SH3BGRL2: variants seen among roughly 807,000 people sequenced by gnomAD.
SH3BGRL2 encodes SH3 domain binding glutamate rich protein like 2, also known as SH3 domain-binding glutamic acid-rich-like protein 2.
A neutral mutation model predicts 14.8 loss-of-function variants in SH3BGRL2; 21 were observed. That is an observed-to-expected ratio of 1.42 (90% CI 1.01 to 2.05). The LOEUF is 2.05. Among genes scored for constraint, SH3BGRL2 ranks in the 30% most tolerant of loss-of-function variants. The pLI, the probability that SH3BGRL2 is intolerant of heterozygous loss-of-function variation, is 0.00. For missense variants in SH3BGRL2, 147 were observed against 130.8 expected (o/e 1.12, Z -0.61); for synonymous variants, 50 against 47.8 (o/e 1.05, Z -0.19).
the SH3BGRL2 span, among the ~76,000 whole-genome samples, chr6:79,546,314 T>G: frequency 2.0e-5 from 3 of 152,322 alleles, no homozygotes; most frequent in East Asian, 5.8e-4. Flanking sequence ...TTCTCCCACT[T>G]CCTGCTTAGT....
chr6:79,569,279 A>T, the SH3BGRL2 span, among the ~76,000 whole-genome samples: 229 of 152,320 alleles, frequency 1.5e-3, 4 homozygotes, highest in African/African-American at 5.4e-3. Flanking sequence ...GGGTTAAGAT[A>T]TGCAGTTGTG....
chr6:79,581,181 C>T, the SH3BGRL2 span, among the ~76,000 whole-genome samples: 1 of 152,196 alleles, frequency 6.6e-6, no homozygotes, highest in Non-Finnish European at 1.5e-5. Context: ...CAGGACCAGA[C>T]AGATTCACAG....
the SH3BGRL2 span, among the ~76,000 whole-genome samples, chr6:79,617,733 T>C: frequency 6.6e-6 from 1 of 152,218 alleles, no homozygotes; most frequent in Non-Finnish European, 1.5e-5. Flanking sequence ...ATTTTTCCTG[T>C]AAACTGGAAG....
At chr6:79,665,069 G>A (rs1168409808) in intron 1 of SH3BGRL2, among the ~76,000 whole-genome samples, 2 of 152,070 alleles carry the variant, frequency 1.3e-5, no homozygotes, top group East Asian at 1.9e-4. Context: ...GCGTCGTGGC[G>A]GGCGCCTGTA....
At chr6:79,541,582 C>G in the SH3BGRL2 span, among the ~76,000 whole-genome samples, 3 of 152,206 alleles carry the variant, frequency 2.0e-5, no homozygotes, top group Non-Finnish European at 1.5e-5. Context: ...AAAAGAATAT[C>G]TCTTTCCTGA....
At chr6:79,576,250 A>G in the SH3BGRL2 span, among the ~76,000 whole-genome samples, 7 of 152,292 alleles carry the variant, frequency 4.6e-5, no homozygotes, top group African/African-American at 1.7e-4. Context: ...TTTTAAGACT[A>G]TATTTGAACA....
upstream of SH3BGRL2, among the ~76,000 whole-genome samples, chr6:79,629,816 A>G (rs1469595257): frequency 6.6e-6 from 1 of 152,210 alleles, no homozygotes; most frequent in Non-Finnish European, 1.5e-5. Flanking sequence ...TGACAGAGAA[A>G]TGACTCGTTC....
the SH3BGRL2 span, among the ~76,000 whole-genome samples, chr6:79,568,517 A>C: frequency 6.6e-6 from 1 of 152,028 alleles, no homozygotes. Flanking sequence ...ATTCAAAAAC[A>C]TGCAAAACCC....
the SH3BGRL2 span, among the ~76,000 whole-genome samples, chr6:79,603,597 A>G: frequency 2.6e-5 from 4 of 152,328 alleles, no homozygotes; most frequent in African/African-American, 9.6e-5. Context: ...CACTAGAAGT[A>G]GAGCTTTCTT....
chr6:79,691,529 C>CA, intron 2 of SH3BGRL2, among the ~76,000 whole-genome samples: 1 of 119,208 alleles, frequency 8.4e-6, no homozygotes, highest in East Asian at 3.6e-4. Flanking sequence ...CAACAGTCCC[C>CA]GGTGTGTGAC....
chr6:79,658,919 C>A (rs1022000872), intron 1 of SH3BGRL2, among the ~76,000 whole-genome samples: 1 of 152,056 alleles, frequency 6.6e-6, no homozygotes, highest in African/African-American at 2.4e-5. Flanking sequence ...TTCATGTGTC[C>A]GTTGGCTGCA....
chr6:79,631,586 G>C (rs1400674324), intron 1 of SH3BGRL2, 80 bp downstream of exon 1: 5 of 1,178,050 alleles, frequency 4.2e-6, no homozygotes, highest in Admixed American at 8.3e-5. Context: ...TCGTCACTGC[G>C]CGTCCTTGCG....
At chr6:79,637,986 G>A (rs1194859278) in intron 1 of SH3BGRL2, among the ~76,000 whole-genome samples, 1 of 152,126 alleles carries the variant, frequency 6.6e-6, no homozygotes, top group African/African-American at 2.4e-5. Context: ...AGAAGAATTA[G>A]AAGTTTTTTT....
At chr6:79,546,008 TA>T in the SH3BGRL2 span, among the ~76,000 whole-genome samples, 14 of 151,214 alleles carry the variant, frequency 9.3e-5, no homozygotes, top group South Asian at 2.1e-4. Context: ...TCCTTACATT[TA>T]AAAAAAAATA....
At chr6:79,669,344 GGA>G (rs1196179811) in intron 1 of SH3BGRL2, among the ~76,000 whole-genome samples, 2 of 152,042 alleles carry the variant, frequency 1.3e-5, no homozygotes, top group Non-Finnish European at 2.9e-5. Flanking sequence ...TTGGTTGGGA[GGA>G]AAGTTCCCTA....
the SH3BGRL2 span, among the ~76,000 whole-genome samples, chr6:79,539,413 A>G: frequency 6.6e-6 from 1 of 152,216 alleles, no homozygotes. Context: ...TATTTCTGCC[A>G]CTTGAAATTA....
At chr6:79,589,669 A>G in the SH3BGRL2 span, among the ~76,000 whole-genome samples, 2 of 152,218 alleles carry the variant, frequency 1.3e-5, no homozygotes, top group African/African-American at 4.8e-5. Flanking sequence ...GCTAGGTTCA[A>G]TATTGTTTAG....
chr6:79,547,527 C>T, the SH3BGRL2 span, among the ~76,000 whole-genome samples: 1 of 152,222 alleles, frequency 6.6e-6, no homozygotes. Context: ...TGCCTCCCTA[C>T]CCCTGACCCA....
chr6:79,596,468 AT>A, the SH3BGRL2 span, among the ~76,000 whole-genome samples: 13 of 152,088 alleles, frequency 8.5e-5, no homozygotes, highest in Non-Finnish European at 1.8e-4. Context: ...TTTGTTAAAA[AT>A]TTTTTTGTAG....
Sources: gnomAD v4.1 joint callset for allele counts (sites outside exome capture counted in the v4.1 genomes callset) on GRCh38, gnomAD v4.1.1 for gene constraint, MANE v1.5 for transcripts, NCBI Gene and HGNC (gene_info 2026-07-23, HGNC 2026-07-21) for gene names.